Variants in ITPR2 observed in about 807,000 individuals in gnomAD.
ITPR2 encodes the protein inositol 1,4,5-trisphosphate receptor type 2.
In ITPR2, 207 loss-of-function variants were observed where a neutral mutation model predicts 317.1. That is an observed-to-expected ratio of 0.65 (90% CI 0.58 to 0.73). ITPR2 has a LOEUF of 0.73. Among genes scored for constraint, ITPR2 ranks in the 30% least tolerant of loss-of-function variants. The pLI is 0.00. For missense variants in ITPR2, 2,613 were observed against 3,284.0 expected, an observed-to-expected ratio of 0.80 and a Z score of 4.99; for synonymous variants, 1,156 against 1,149.1, an observed-to-expected ratio of 1.01 and a Z score of -0.12.
At chr12:26,440,498 A>G (rs969273233) in intron 46 of ITPR2, among the ~76,000 whole-genome samples, 5 of 152,154 alleles carry the variant, frequency 3.3e-5, no homozygotes, top group African/African-American at 7.2e-5. Context: ...TTCCCATAAG[A>G]TAAAATTTTA....
At position 26,655,587 on chromosome 12, in the gene ITPR2, C is replaced by A; in HGVS notation, c.2589+121G>T. 3 of 801,998 alleles carry A rather than the reference C, an allele frequency of 3.7e-6. No homozygotes were observed. In the South Asian group the frequency reaches 5.6e-5, roughly 15 times the overall value. 49.7% of individuals were successfully genotyped at this position (801,998 alleles called of 1,614,324 possible). ...CGAGATCATGCCACTGCACTCCAGC[C>A]TGGGCGACCGAGTGAGACTCTGTCT... On this transcript the variant is annotated intron_variant, in intron 20 of 56. Coordinates refer to ENST00000381340, the MANE Select transcript of ITPR2 (RefSeq NM_002223.4).
At chr12:26,444,741 G>A (rs1363859865) in intron 45 of ITPR2, among the ~76,000 whole-genome samples, 2 of 32,972 alleles carry the variant, frequency 6.1e-5, no homozygotes, top group East Asian at 1.0e-3. Context: ...TCATGGAGAT[G>A]AATTTTAAAT....
intron 39 of ITPR2, 125 bp from the exon 40 acceptor site, chr12:26,487,376 A>C: frequency 1.6e-6 from 1 of 618,864 alleles, no homozygotes; most frequent in Non-Finnish European, 2.7e-6. Flanking sequence ...TTACTATTTC[A>C]TAAATTGACA....
chr12:26,386,047 T>A (rs992601976), intron 55 of ITPR2, among the ~76,000 whole-genome samples: 1 of 152,116 alleles, frequency 6.6e-6, no homozygotes, highest in South Asian at 2.1e-4. Flanking sequence ...AATAAATGTA[T>A]ATTGATGAAA....
intron 2 of ITPR2, among the ~76,000 whole-genome samples, chr12:26,739,088 A>G (rs1489698061): frequency 6.6e-6 from 1 of 152,244 alleles, no homozygotes; most frequent in African/African-American, 2.4e-5. Context: ...AGAGAAATGC[A>G]AACTATGACC....
At chr12:26,502,091 A>G (rs1203374164) in intron 37 of ITPR2, among the ~76,000 whole-genome samples, 1 of 152,210 alleles carries the variant, frequency 6.6e-6, no homozygotes, top group Non-Finnish European at 1.5e-5. Flanking sequence ...CTCCATAGAT[A>G]GCAAGGAATA....
intron 52 of ITPR2, chr12:26,400,687 C>T (rs1940146794): frequency 6.6e-6 from 1 of 152,328 alleles, no homozygotes; most frequent in Non-Finnish European, 1.5e-5. Flanking sequence ...AAGCACAAAA[C>T]ATAAGGCTCA....
At chr12:26,695,956 C>T (rs1182015301) in intron 9 of ITPR2, among the ~76,000 whole-genome samples, 2 of 151,972 alleles carry the variant, frequency 1.3e-5, no homozygotes, top group Non-Finnish European at 2.9e-5. Flanking sequence ...CACCATTTTA[C>T]CCTCTGCAAA....
chr12:26,663,268 C>CT (rs1200972094), intron 15 of ITPR2, among the ~76,000 whole-genome samples: 6 of 152,164 alleles, frequency 3.9e-5, no homozygotes, highest in Non-Finnish European at 7.4e-5. Context: ...TCCCATAACT[C>CT]TATCTTTTCT....
intron 34 of ITPR2, among the ~76,000 whole-genome samples, chr12:26,568,834 C>T (rs1000017411): frequency 3.9e-5 from 6 of 152,180 alleles, no homozygotes; most frequent in Admixed American, 3.3e-4. Context: ...TAAATCTGTA[C>T]TGAAGCACCA....
intron 37 of ITPR2, among the ~76,000 whole-genome samples, chr12:26,522,913 C>A (rs1319305994): frequency 2.0e-5 from 3 of 152,254 alleles, no homozygotes; most frequent in African/African-American, 7.2e-5. Flanking sequence ...CGCAAAAGAA[C>A]TGTACACCTA....
intron 50 of ITPR2, among the ~76,000 whole-genome samples, chr12:26,417,025 C>A (rs1392888317): frequency 6.6e-6 from 1 of 152,084 alleles, no homozygotes; most frequent in Non-Finnish European, 1.5e-5. Context: ...ATTGTTCTTT[C>A]CATTTATTTC....
chr12:26,422,332 AT>A (rs1400285112), intron 49 of ITPR2, among the ~76,000 whole-genome samples: 2 of 124,232 alleles, frequency 1.6e-5, no homozygotes, highest in African/African-American at 2.6e-5. Flanking sequence ...TAATTTAACT[AT>A]TTAATTAGAT....
At chr12:26,553,747 T>A (rs1269027112) in intron 36 of ITPR2, among the ~76,000 whole-genome samples, 4 of 150,772 alleles carry the variant, frequency 2.7e-5, no homozygotes, top group African/African-American at 9.8e-5. Context: ...ATTGCGCCAC[T>A]GCACTCCAGC....
chr12:26,513,374 C>A (rs1220476461), intron 37 of ITPR2, among the ~76,000 whole-genome samples: 3 of 152,102 alleles, frequency 2.0e-5, no homozygotes, highest in Non-Finnish European at 4.4e-5. Flanking sequence ...TATTAATATT[C>A]TTTTTATTCT....
At chr12:26,623,627 G>C (rs4964008) in intron 24 of ITPR2, among the ~76,000 whole-genome samples, 113,456 of 152,098 alleles carry the variant, frequency 0.75, 43,125 homozygotes, top group East Asian at 0.94. Context: ...GAATGTAACC[G>C]TAGCAGATAA....
In ITPR2 at chr12:26,478,729, G is replaced by A. The variant is rs1177492266; in HGVS notation, c.6124-1722C>T. The stretch of plus-strand genomic sequence containing the variant: ...GTTAGTGCAGGAGTTTCTTCTTAAA[G>A]AAGCCAGATTCTTTGAAAAAACAAA... On this transcript the variant is annotated intron_variant, in intron 43 of 56. Coordinates refer to ENST00000381340, the MANE Select transcript of ITPR2 (RefSeq NM_002223.4). Among the ~76,000 whole-genome samples the A allele has an allele frequency of 2.0e-5, 3 of 151,960 alleles. No homozygotes were observed. In the East Asian group the frequency reaches 5.8e-4, roughly 29 times the overall value.
At chr12:26,602,210 T>C (rs922979105) in intron 28 of ITPR2, among the ~76,000 whole-genome samples, 160 bp downstream of exon 28, 1 of 152,136 alleles carries the variant, frequency 6.6e-6, no homozygotes, top group African/African-American at 2.4e-5. Flanking sequence ...GTACCCTTGT[T>C]TGTAGAAAAC....
At chr12:26,550,783 T>C (rs1944506258) in intron 36 of ITPR2, among the ~76,000 whole-genome samples, 1 of 152,172 alleles carries the variant, frequency 6.6e-6, no homozygotes, top group African/African-American at 2.4e-5. Flanking sequence ...TATACAACTC[T>C]GCAACCTTAA....
Sources: allele counts gnomAD v4.1 joint callset (sites outside exome capture counted in the v4.1 genomes callset), GRCh38; gene constraint gnomAD v4.1.1; transcripts MANE v1.5; gene names NCBI Gene and HGNC (gene_info 2026-07-23, HGNC 2026-07-21).